LOXL2: variants seen among roughly 807,000 people sequenced by gnomAD.
The protein encoded by LOXL2 is lysyl oxidase homolog 2.
LOXL2 carries 70 observed loss-of-function variants against 93.0 expected under a neutral mutation model. The observed-to-expected ratio is 0.75, with a 90% confidence interval of 0.62 to 0.92. LOXL2 has a LOEUF of 0.92. LOXL2 is among the 40% of genes least tolerant of loss of function. The pLI, the probability that LOXL2 is intolerant of heterozygous loss-of-function variation, is 0.00. For missense variants in LOXL2, 973 were observed against 1,054.9 expected (o/e 0.92, Z 1.08); for synonymous variants, 438 against 413.2 (o/e 1.06, Z -0.73).
chr8:23,303,329 T>C lies in LOXL2; in HGVS notation c.1949A>G (p.Glu650Gly). The change falls in exon 11 of 14, where the codon GAG becomes GGG. Residue 650 changes from glutamate to glycine, a missense_variant. By Grantham distance (98) the Glu-to-Gly change is moderately conservative. Transcript: ENST00000389131. Reference sequence around the variant, plus strand: ...CAAGCAGAAGCTGGCCTTGTGGCCCTCTGCCACCTTGGTGCCATTGAGGTT... The same window carrying C: ...CAAGCAGAAGCTGGCCTTGTGGCCCCCTGCCACCTTGGTGCCATTGAGGTT... ...LLNLNGTKVA[E>G]GHKASFCLED... is the part of the protein sequence containing the mutation. 2 of 1,613,760 alleles carry C rather than the reference T, an allele frequency of 1.2e-6. No individual in the cohort carries two copies. Among genetic ancestry groups the C allele is most frequent in the Non-Finnish European group, 1.7e-6 (2 of 1,179,902 alleles).
chr8:23,391,536 C>G (rs897346273), intron 1 of LOXL2, among the ~76,000 whole-genome samples: 6 of 152,182 alleles, frequency 3.9e-5, no homozygotes, highest in African/African-American at 1.4e-4. Context: ...CCACTACACA[C>G]ACACTCTCTC....
At chr8:23,332,035 CAAAAAAAAAAAAAAGA>C (rs1803689217) in intron 5 of LOXL2, 1 of 96,672 alleles carries the variant, frequency 1.0e-5, no homozygotes, top group Admixed American at 1.3e-4. Flanking sequence ...AACTCTGTCT[CAAAAAAAAAAAAAAGA>C]AGAAGAAGAA....
intron 5 of LOXL2, among the ~76,000 whole-genome samples, chr8:23,330,801 T>A (rs945915664): frequency 1.4e-5 from 1 of 70,788 alleles, no homozygotes; most frequent in Non-Finnish European, 2.9e-5. Context: ...AAGCAGGGTG[T>A]GGTGGGGGTT....
chr8:23,326,821 CTGCCAGGTGGCATGATGTG>C (rs1288433035), intron 6 of LOXL2, among the ~76,000 whole-genome samples: 22 of 152,300 alleles, frequency 1.4e-4, no homozygotes, highest in African/African-American at 4.8e-4. Flanking sequence ...CCAATGGAAG[CTGCCAGGTGGCATGATGTG>C]ACTCAGAGTG....
intron 10 of LOXL2, among the ~76,000 whole-genome samples, chr8:23,306,890 G>A (rs796847733): frequency 4.6e-5 from 7 of 152,332 alleles, no homozygotes; most frequent in African/African-American, 1.4e-4. Flanking sequence ...GGAGACCATC[G>A]GCCAGGGCAC....
At chr8:23,306,083 T>C (rs1287899212) in intron 10 of LOXL2, among the ~76,000 whole-genome samples, 2 of 152,154 alleles carry the variant, frequency 1.3e-5, no homozygotes, top group Admixed American at 1.3e-4. Flanking sequence ...AGTGCTGTGA[T>C]TACAGGTGTG....
At chr8:23,332,295 A>C (rs1331313225) in intron 5 of LOXL2, among the ~76,000 whole-genome samples, 17 of 96,936 alleles carry the variant, frequency 1.8e-4, no homozygotes, top group East Asian at 8.1e-4. Context: ...ACAGACCCCC[A>C]CACACACTCA....
intron 2 of LOXL2, among the ~76,000 whole-genome samples, chr8:23,362,845 T>C (rs1359929394): frequency 6.6e-6 from 1 of 152,218 alleles, no homozygotes; most frequent in East Asian, 1.9e-4. Flanking sequence ...TTTTTATAAG[T>C]GCCACTGCAA....
intron 3 of LOXL2, among the ~76,000 whole-genome samples, chr8:23,343,765 C>A (rs1195282445): frequency 6.6e-6 from 1 of 152,162 alleles, no homozygotes; most frequent in African/African-American, 2.4e-5. Flanking sequence ...CTTTACAGCC[C>A]TCATTCAGGC....
intron 11 of LOXL2, among the ~76,000 whole-genome samples, chr8:23,302,463 G>A (rs1426402362): frequency 6.6e-6 from 1 of 152,090 alleles, no homozygotes; most frequent in Non-Finnish European, 1.5e-5. Context: ...GCGTGTGTGT[G>A]GACCGAGGAA....
chr8:23,320,464 T>G (rs1803475940), intron 7 of LOXL2, among the ~76,000 whole-genome samples: 2 of 152,192 alleles, frequency 1.3e-5, no homozygotes, highest in South Asian at 4.1e-4. Context: ...TGGCATCTTG[T>G]CCCATGGCTC....
intron 1 of LOXL2, among the ~76,000 whole-genome samples, chr8:23,370,159 C>G (rs1437130939): frequency 6.6e-6 from 1 of 152,118 alleles, no homozygotes; most frequent in East Asian, 1.9e-4. Flanking sequence ...TCTCCCTTCT[C>G]TCACCCCAGC....
Position 23,340,075 on chromosome 8 carries a change from A to T in LOXL2, c.743+917T>A, listed in dbSNP as rs183804834. Among the ~76,000 whole-genome samples, 232 of 152,272 alleles carry T rather than the reference A, an allele frequency of 1.5e-3. 1 individual carries two copies. The highest frequency in any genetic ancestry group is 5.5e-3 in the African/African-American group (227 of 41,544). The stretch of plus-strand genomic sequence containing the variant: ...ACAGTGCTGTGAGTCTGCACCCTCT[A>T]AGAGTGTGGACCCTATAGCTGGACA... On this transcript the variant is annotated intron_variant, in intron 4 of 13. Coordinates refer to ENST00000389131, the MANE Select transcript of LOXL2 (RefSeq NM_002318.3).
At chr8:23,343,195 G>C (rs548692714) in intron 3 of LOXL2, among the ~76,000 whole-genome samples, 1 of 152,302 alleles carries the variant, frequency 6.6e-6, no homozygotes, top group East Asian at 1.9e-4. Context: ...AGCTTCACAT[G>C]GATCCACAAA....
At chr8:23,362,420 T>TA (rs1173437022) in intron 2 of LOXL2, among the ~76,000 whole-genome samples, 9 of 152,328 alleles carry the variant, frequency 5.9e-5, no homozygotes, top group Admixed American at 5.9e-4. Context: ...TACTTAACAC[T>TA]ACTGAACTGG....
chr8:23,380,493 G>A (rs1804667664), intron 1 of LOXL2, among the ~76,000 whole-genome samples: 1 of 151,532 alleles, frequency 6.6e-6, no homozygotes, highest in African/African-American at 2.4e-5. Context: ...GAATGCTTTA[G>A]TGTTCAACTC....
intron 8 of LOXL2, among the ~76,000 whole-genome samples, chr8:23,318,501 A>G (rs1327944072): frequency 1.3e-5 from 2 of 151,990 alleles, no homozygotes; most frequent in Non-Finnish European, 2.9e-5. Context: ...TTGTTTCTCT[A>G]GAGAACTTGA....
rs778870446 is a variant in LOXL2, at chr8:23,368,123, C to A, written c.229G>T (p.Asp77Tyr). 1 of 1,614,032 alleles carries A rather than the reference C, an allele frequency of 6.2e-7. No homozygotes were observed. Among genetic ancestry groups the A allele is most frequent in the Non-Finnish European group, 8.5e-7 (1 of 1,180,056 alleles). The change falls in exon 2 of 14, where the codon GAT (aspartate) becomes TAT (tyrosine). Residue 77 changes from aspartate (D) to tyrosine (Y), a missense_variant. By Grantham distance (160) the Asp-to-Tyr change is radical. Coordinates refer to ENST00000389131, the MANE Select transcript of LOXL2 (RefSeq NM_002318.3). Reference protein sequence around the residue: ...HSEGRVEVYYDGQWGTVCDDD... With the variant: ...HSEGRVEVYYYGQWGTVCDDD... ...TCGCACACGGTGCCCCACTGGCCAT[C>A]ATAGTACACCTCCACCCGGCCCTCG...
chr8:23,367,260 GC>G (rs1804417590), intron 2 of LOXL2, among the ~76,000 whole-genome samples: 1 of 152,066 alleles, frequency 6.6e-6, no homozygotes, highest in Non-Finnish European at 1.5e-5. Flanking sequence ...TGTTGGCCAG[GC>G]TGGTCTCGAA....
Sources: gnomAD v4.1 joint callset for allele counts (sites outside exome capture counted in the v4.1 genomes callset) on GRCh38, gnomAD v4.1.1 for gene constraint, MANE v1.5 for transcripts, NCBI Gene and HGNC (gene_info 2026-07-23, HGNC 2026-07-21) for gene names.